The following ADIPOR1 variants were observed in gnomAD, a reference collection of about 807,000 sequenced individuals.
ADIPOR1 encodes adiponectin receptor protein 1.
In ADIPOR1, 15 loss-of-function variants were observed where a neutral mutation model predicts 37.5. The observed-to-expected ratio is 0.40, with a 90% CI of 0.27 to 0.62. The LOEUF is 0.62. Among genes scored for constraint, ADIPOR1 ranks in the 20% least tolerant of loss-of-function variants. ADIPOR1 has a pLI of 0.42. For missense variants in ADIPOR1, 286 were observed against 478.0 expected (o/e 0.60, Z 3.75); for synonymous variants, 173 against 173.2 (o/e 1.00, Z 0.01).
intron 6 of ADIPOR1, among the ~76,000 whole-genome samples, chr1:202,943,114 T>G (rs899131064): frequency 2.8e-5 from 4 of 142,178 alleles, no homozygotes; most frequent in South Asian, 2.1e-4. Context: ...GTGATCCGCC[T>G]GCCTCGGCCC....
At chr1:202,946,393 G>C in intron 4 of ADIPOR1, 46 bp downstream of exon 4, 1 of 1,608,784 alleles carries the variant, frequency 6.2e-7, no homozygotes, top group Non-Finnish European at 8.5e-7. Context: ...TCCCTTCGCA[G>C]TTAGGGAGAC....
At chr1:202,952,553 C>T (rs1232955411) in intron 1 of ADIPOR1, among the ~76,000 whole-genome samples, 1 of 152,214 alleles carries the variant, frequency 6.6e-6, no homozygotes, top group Non-Finnish European at 1.5e-5. Context: ...CTCTCTGTCT[C>T]TCCCCCTCCT....
At chr1:202,952,310 A>G (rs1209794586) in intron 1 of ADIPOR1, among the ~76,000 whole-genome samples, 4 of 152,192 alleles carry the variant, frequency 2.6e-5, no homozygotes. Context: ...GGGCCAGGTA[A>G]CAACTGCACA....
chr1:202,942,136 T>C lies in ADIPOR1; in HGVS notation c.888A>G (p.Thr296=). 1 of 1,614,156 alleles carries C rather than the reference T, an allele frequency of 6.2e-7. No individual in the cohort carries two copies. The highest frequency in any genetic ancestry group is 8.5e-7 in the Non-Finnish European group (1 of 1,180,028). The change falls in exon 7 of 8, where the codon ACA becomes ACG. Residue 296 remains threonine (T), a synonymous_variant. Coordinates refer to ENST00000340990, the MANE Select transcript of ADIPOR1 (RefSeq NM_015999.6). The part of the protein sequence containing the change: ...TIAEGFVKAT[T]VGQMGWFFLM... ...GGAAGAACCAGCCCATCTGGCCCACTGTGGTGGCCTTGACAAAGCCCTCAG... is the reference window on the plus strand; with the variant it reads ...GGAAGAACCAGCCCATCTGGCCCACCGTGGTGGCCTTGACAAAGCCCTCAG...
intron 2 of ADIPOR1, among the ~76,000 whole-genome samples, chr1:202,948,992 T>C (rs935893445): frequency 2.6e-5 from 4 of 151,528 alleles, no homozygotes; most frequent in African/African-American, 7.3e-5. Flanking sequence ...GGTTTCACCA[T>C]GTTGGCCAGG....
At chr1:202,945,213 A>G (rs1358383930) in intron 4 of ADIPOR1, 44 bp from the exon 5 acceptor site, 7 of 1,508,738 alleles carry the variant, frequency 4.6e-6, no homozygotes, top group Middle Eastern at 2.4e-4. Flanking sequence ...AAAAAAGGGA[A>G]TGTGTACACT....
intron 2 of ADIPOR1, among the ~76,000 whole-genome samples, chr1:202,949,039 C>A (rs1654449905): frequency 6.6e-6 from 1 of 151,780 alleles, no homozygotes; most frequent in Non-Finnish European, 1.5e-5. Context: ...GATCCTCCTG[C>A]CTCGGCCTCC....
chr1:202,948,105 A>G (rs538643120), intron 3 of ADIPOR1, among the ~76,000 whole-genome samples, 199 bp downstream of exon 3: 1 of 152,326 alleles, frequency 6.6e-6, no homozygotes, highest in African/African-American at 2.4e-5. Flanking sequence ...TTAAGAATAT[A>G]TTTTGAACAA....
At position 202,951,078 on chromosome 1, in the gene ADIPOR1, G is replaced by T. The variant is rs560156115; in HGVS notation, c.-8C>A. On this transcript the variant is annotated 5_prime_UTR_variant, in exon 2 of 8. Coordinates refer to ENST00000340990, the MANE Select transcript of ADIPOR1 (RefSeq NM_015999.6). Reference sequence around the variant, plus strand: ...TCCTTTGTGGGAAGACATCTGGCTGGTACCTCAATACCCTGCAGCTTCAGC... The same window carrying T: ...TCCTTTGTGGGAAGACATCTGGCTGTTACCTCAATACCCTGCAGCTTCAGC... 56 of 1,614,022 alleles carry T rather than the reference G, an allele frequency of 3.5e-5. No homozygotes were observed. In the South Asian group the frequency reaches 5.7e-4, roughly 16 times the overall value.
intron 1 of ADIPOR1, among the ~76,000 whole-genome samples, chr1:202,956,641 A>C (rs1370224231): frequency 6.6e-6 from 1 of 152,208 alleles, no homozygotes; most frequent in Admixed American, 6.5e-5. Context: ...TTATGACAGG[A>C]GATTGATAGA....
chr1:202,941,733 A>T, intron 7 of ADIPOR1, 32 bp from the exon 8 acceptor site: 1 of 1,595,544 alleles, frequency 6.3e-7, no homozygotes, highest in Non-Finnish European at 8.5e-7. Context: ...AGCCTTTAGG[A>T]TAATGCAAGG....
Position 202,942,143 on chromosome 1 carries a change from G to T in ADIPOR1, c.881C>A (p.Ala294Asp). 6.2e-7 allele frequency: 1 copy of T among 1,614,182 alleles called. No homozygotes were observed. Among genetic ancestry groups the T allele is most frequent in the Non-Finnish European group, 8.5e-7 (1 of 1,180,036 alleles). ...CCAGCCCATCTGGCCCACTGTGGTG[G>T]CCTTGACAAAGCCCTCAGCGATAGT... is the stretch of plus-strand genomic sequence containing the variant. ...HFTIAEGFVKATTVGQMGWFF... is the reference protein window; with the variant it reads ...HFTIAEGFVKDTTVGQMGWFF... The change falls in exon 7 of 8, where the codon GCC (alanine) becomes GAC (aspartate). Residue 294 changes from alanine to aspartate, a missense_variant. Ala to Asp is a moderately radical substitution (Grantham distance 126). Transcript: ENST00000340990.
intron 1 of ADIPOR1, among the ~76,000 whole-genome samples, chr1:202,955,840 TG>T (rs1654762958): frequency 2.0e-5 from 3 of 152,316 alleles, no homozygotes; most frequent in Non-Finnish European, 4.4e-5. Context: ...TGCAGTGGCA[TG>T]ATCTGCTCAC....
rs1167886249 is a variant in ADIPOR1 at position 202,945,053 on chromosome 1, A to T, written c.547T>A (p.Cys183Ser). 4.3e-6 allele frequency: 7 copies of T among 1,614,104 alleles called. No homozygotes were observed. The African/African-American group carries it at 9.3e-5, about 22-fold the overall frequency. ...TGAAAGAGCCAGGAGAAGCTGAGGC[A>T]GAGCACTGCACCCAAAAAGAACATC... ...FGMFFLGAVL[C>S]LSFSWLFHTV... Residue 183 changes from cysteine to serine, a missense_variant, in exon 5 of 8, where the codon TGC becomes AGC. Transcript: ENST00000340990.
In ADIPOR1 at chr1:202,945,186, T is replaced by TA. The variant is rs747609172; in HGVS notation, c.431-18dup. 5.0e-5 allele frequency: 79 copies of TA among 1,565,088 alleles called. No individual in the cohort carries two copies. Among genetic ancestry groups the TA allele is most frequent in the Admixed American group, 1.2e-4 (6 of 48,548 alleles). The stretch of plus-strand genomic sequence containing the variant: ...GCACGAAACCTGCAGGAGGGTAAAA[T>TA]AAAAAAAACCTGTAAGAAAAAAGGG... On this transcript the variant is annotated splice_polypyrimidine_tract_variant and intron_variant, in intron 4 of 7. Coordinates refer to ENST00000340990, the MANE Select transcript of ADIPOR1 (RefSeq NM_015999.6).
intron 3 of ADIPOR1, among the ~76,000 whole-genome samples, chr1:202,947,157 CTT>C (rs1357226169): frequency 6.6e-6 from 1 of 152,082 alleles, no homozygotes; most frequent in Non-Finnish European, 1.5e-5. Context: ...CAAAAAATCT[CTT>C]TGTCTTTGTT....
chr1:202,941,372 C>A lies in ADIPOR1; in HGVS notation c.*201G>T, dbSNP rs1306247881. On this transcript the variant is annotated 3_prime_UTR_variant, in exon 8 of 8. Transcript: ENST00000340990. ...GAGGGGATGGCTAAGTTTGACCATGCCCCATCCCCAGCTAGGAGAATGGAA... is the reference window on the plus strand; with the variant it reads ...GAGGGGATGGCTAAGTTTGACCATGACCCATCCCCAGCTAGGAGAATGGAA... The A allele has an allele frequency of 1.6e-5, 8 of 507,138 alleles. No homozygotes were observed. The highest frequency in any genetic ancestry group is 5.6e-4 in the Middle Eastern group (1 of 1,796). The allele number at this position is 507,138 out of a possible 1,614,324, so 31.4% of individuals were successfully genotyped here. A position where few individuals can be genotyped will look rare whatever the true frequency, so the allele number is the denominator to read the frequency against.
chr1:202,943,651 G>T, intron 6 of ADIPOR1, 107 bp downstream of exon 6: 1 of 1,267,354 alleles, frequency 7.9e-7, no homozygotes, highest in Non-Finnish European at 1.1e-6. Flanking sequence ...ACAAATCAGG[G>T]TTTGGGTGGG....
At chr1:202,955,550 A>G (rs1654750887) in intron 1 of ADIPOR1, among the ~76,000 whole-genome samples, 1 of 151,954 alleles carries the variant, frequency 6.6e-6, no homozygotes, top group African/African-American at 2.4e-5. Flanking sequence ...ACAAAAAAAA[A>G]AGTGAACAGT....
Sources: allele counts gnomAD v4.1 joint callset (sites outside exome capture counted in the v4.1 genomes callset), GRCh38; gene constraint gnomAD v4.1.1; transcripts MANE v1.5; gene names NCBI Gene and HGNC (gene_info 2026-07-23, HGNC 2026-07-21).